The following KIF11 variants were observed in gnomAD, a reference collection of about 807,000 sequenced individuals.
KIF11 encodes the protein kinesin-like protein KIF11.
In KIF11, 9 loss-of-function variants were observed where a neutral mutation model predicts 121.0. That is an observed-to-expected ratio of 0.07 (90% CI 0.04 to 0.13). The LOEUF is 0.13. KIF11 is among the 10% of genes least tolerant of loss of function. The pLI is 1.00. For synonymous variants in KIF11, 408 were observed against 421.0 expected, an observed-to-expected ratio of 0.97 and a Z score of 0.38; for missense variants, 846 against 1,217.5, an observed-to-expected ratio of 0.69 and a Z score of 4.54.
intron 21 of KIF11, among the ~76,000 whole-genome samples, chr10:92,651,502 A>AT (rs1343216900): frequency 0.013 from 280 of 21,528 alleles, 9 homozygotes; most frequent in East Asian, 0.02. Context: ...TGCCTGGCTA[A>AT]TTTTGTTTTT....
At position 92,646,298 on chromosome 10, in the gene KIF11, A is replaced by C. The variant is rs2135923893; in HGVS notation, c.2547+656A>C. Among the ~76,000 whole-genome samples the C allele has an allele frequency of 1.3e-5, 2 of 152,118 alleles. 1 individual carries two copies. Among genetic ancestry groups the C allele is most frequent in the Middle Eastern group, 6.8e-3 (2 of 294 alleles). ...TCCAAGTACATTCAAACCTATTATT[A>C]TTTTAAGTATTTAGGTTATTGTTCT... On this transcript the variant is annotated intron_variant, in intron 18 of 21. Coordinates refer to ENST00000260731, the MANE Select transcript of KIF11 (RefSeq NM_004523.4).
intron 1 of KIF11, among the ~76,000 whole-genome samples, chr10:92,595,159 A>C (rs1844280969): frequency 6.6e-6 from 1 of 152,204 alleles, no homozygotes; most frequent in Non-Finnish European, 1.5e-5. Context: ...TCCCGGATTC[A>C]AGCAATTTTC....
chr10:92,602,360 TATAGAATTCACCTA>T (rs1203848024), intron 1 of KIF11, among the ~76,000 whole-genome samples: 1 of 152,198 alleles, frequency 6.6e-6, no homozygotes, highest in African/African-American at 2.4e-5. Flanking sequence ...TGAAATGTTT[TATAGAATTCACCTA>T]TGAAACTATC....
intron 1 of KIF11, among the ~76,000 whole-genome samples, chr10:92,597,935 G>C (rs1423873766): frequency 6.6e-6 from 1 of 151,662 alleles, no homozygotes; most frequent in East Asian, 1.9e-4. Context: ...ACAGGCGTGA[G>C]CCCGTGCCTG....
In KIF11 at chr10:92,637,537, C is replaced by T; in HGVS notation, c.2152C>T (p.His718Tyr). Reference protein sequence around the residue: ...TEDLKTIKQTHSQELCKLMNL... With the variant: ...TEDLKTIKQTYSQELCKLMNL... Reference sequence around the variant, plus strand: ...AGACCTGAAGACAATAAAGCAGACCCATTCCCAGGTATGTTGTTTAGCGGA... The same window carrying T: ...AGACCTGAAGACAATAAAGCAGACCTATTCCCAGGTATGTTGTTTAGCGGA... Residue 718 changes from histidine (H) to tyrosine (Y), a missense_variant, in exon 16 of 22, where the codon CAT (histidine) becomes TAT (tyrosine). Physicochemically the swap from His to Tyr is moderately conservative, Grantham distance 83. Transcript: ENST00000260731. 6.3e-7 allele frequency: 1 copy of T among 1,599,968 alleles called. No homozygotes were observed. Among genetic ancestry groups the T allele is most frequent in the Middle Eastern group, 1.7e-4 (1 of 6,024 alleles).
At chr10:92,619,282 G>A (rs890116121) in intron 9 of KIF11, among the ~76,000 whole-genome samples, 2 of 152,190 alleles carry the variant, frequency 1.3e-5, no homozygotes, top group Non-Finnish European at 2.9e-5. Context: ...CTCCCAAAGT[G>A]CTGGGATTAC....
At chr10:92,635,045 A>G (rs1481345873) in intron 14 of KIF11, among the ~76,000 whole-genome samples, 1 of 152,166 alleles carries the variant, frequency 6.6e-6, no homozygotes, top group Non-Finnish European at 1.5e-5. Context: ...TGATTTATAT[A>G]TAGTCTTTAT....
chr10:92,635,707 G>A (rs892275665), intron 14 of KIF11, among the ~76,000 whole-genome samples: 6 of 152,208 alleles, frequency 3.9e-5, no homozygotes, highest in East Asian at 1.9e-4. Flanking sequence ...ACTGATAGAC[G>A]TGCTCAAGGT....
At position 92,639,921 on chromosome 10, in the gene KIF11, C is replaced by A. The variant is rs1844847084; in HGVS notation, c.2267+21C>A. The A allele has an allele frequency of 3.1e-6, 4 of 1,296,762 alleles. No individual in the cohort carries two copies. In the South Asian group the frequency reaches 3.8e-5, roughly 12 times the overall value. 80.3% of individuals were successfully genotyped at this position (1,296,762 alleles called of 1,614,324 possible). On this transcript the variant is annotated intron_variant, in intron 17 of 21. Coordinates refer to ENST00000260731, the MANE Select transcript of KIF11 (RefSeq NM_004523.4). ...CAGCAGTAAGCTATTTTTAAATTCT[C>A]TTAAACTTTTCTGTAAGTCTGAAAT...
chr10:92,619,760 T>A (rs1844597949), intron 9 of KIF11, among the ~76,000 whole-genome samples: 1 of 151,748 alleles, frequency 6.6e-6, no homozygotes, highest in Admixed American at 6.6e-5. Flanking sequence ...CTTTTTAATG[T>A]GCTTATTTGA....
chr10:92,644,761 T>C (rs1216679580), intron 17 of KIF11, among the ~76,000 whole-genome samples: 2 of 152,190 alleles, frequency 1.3e-5, no homozygotes, highest in East Asian at 3.8e-4. Flanking sequence ...GTAAGATAAC[T>C]TGGAATGCTA....
chr10:92,647,690 A>G (rs1353687691), intron 18 of KIF11, among the ~76,000 whole-genome samples: 2 of 152,228 alleles, frequency 1.3e-5, no homozygotes, highest in Admixed American at 1.3e-4. Context: ...TCCTGGGTTT[A>G]TGGAGGAGTT....
In KIF11 at chr10:92,637,408, C is replaced by G; in HGVS notation, c.2023C>G (p.Leu675Val). Residue 675 changes from leucine (L) to valine (V), a missense_variant, in exon 16 of 22, where the codon CTA becomes GTA. This residue lies in a region of KIF11 where 492 missense variants were observed against 603.4 expected (regional missense o/e 0.82). Coordinates refer to ENST00000260731, the MANE Select transcript of KIF11 (RefSeq NM_004523.4). ...AAAGATAGAAGATCAAAAAAAGGAA[C>G]TAGATGGCTTTCTCAGTATACTGTG... is the stretch of plus-strand genomic sequence containing the variant. The part of the protein sequence containing the change: ...ADKIEDQKKE[L>V]DGFLSILCNN... 1 of 1,579,878 alleles carries G rather than the reference C, an allele frequency of 6.3e-7. No individual in the cohort carries two copies. The highest frequency in any genetic ancestry group is 1.4e-5 in the African/African-American group (1 of 72,444).
intron 14 of KIF11, among the ~76,000 whole-genome samples, chr10:92,634,016 C>T (rs556370657): frequency 1.6e-4 from 24 of 152,204 alleles, no homozygotes; most frequent in Admixed American, 9.8e-4. Context: ...GAGATGGAGT[C>T]TCGCTCTGTC....
chr10:92,606,651 T>G lies in KIF11; in HGVS notation c.243T>G (p.Val81=). ...VFGASTKQID[V]YRSVVCPILD... ...GAGCATCTACTAAACAGATTGATGT[T>G]TACCGAAGTGTTGTTTGTCCAATTC... Residue 81 remains valine, a synonymous_variant, in exon 3 of 22, where the codon GTT becomes GTG. Transcript: ENST00000260731. 1 of 1,598,298 alleles carries G rather than the reference T, an allele frequency of 6.3e-7. No homozygotes were observed. The highest frequency in any genetic ancestry group is 8.6e-7 in the Non-Finnish European group (1 of 1,165,854).
Position 92,606,731 on chromosome 10 carries a change from G to A in KIF11, c.308+15G>A, listed in dbSNP as rs1844434755. 3 of 1,192,314 alleles carry A rather than the reference G, an allele frequency of 2.5e-6. No individual in the cohort carries two copies. Among genetic ancestry groups the A allele is most frequent in the South Asian group, 1.3e-5 (1 of 78,076 alleles). 73.9% of individuals were successfully genotyped at this position (1,192,314 alleles called of 1,614,324 possible). A position where few individuals can be genotyped will look rare whatever the true frequency, so the allele number is the denominator to read the frequency against. ...ACTATCTTTGCGTAAGTAAAAGGGT[G>A]TTTTTTCTGATTTATGAAAAAGCTT... is the stretch of plus-strand genomic sequence containing the variant. On this transcript the variant is annotated intron_variant, in intron 3 of 21. Transcript: ENST00000260731.
intron 20 of KIF11, 102 bp downstream of exon 20, chr10:92,650,088 C>A: frequency 1.2e-6 from 1 of 846,820 alleles, no homozygotes; most frequent in South Asian, 1.8e-5. Context: ...CAATCTTACC[C>A]CGCCTCTCAT....
Position 92,632,588 on chromosome 10 carries a change from A to G in KIF11, c.1597A>G (p.Ile533Val). The change falls in exon 13 of 22, where the codon ATT (isoleucine) becomes GTT (valine). Residue 533 changes from isoleucine to valine, a missense_variant. This residue lies in a region of KIF11 where 492 missense variants were observed against 603.4 expected (regional missense o/e 0.82). Coordinates refer to ENST00000260731, the MANE Select transcript of KIF11 (RefSeq NM_004523.4). ...CCAACACAATGCAGAAGCTCAGGATATTTTTGGCAAAAACCTGAATAGTCT... is the reference window on the plus strand; with the variant it reads ...CCAACACAATGCAGAAGCTCAGGATGTTTTTGGCAAAAACCTGAATAGTCT... ...VDQHNAEAQD[I>V]FGKNLNSLFN... The G allele has an allele frequency of 6.2e-7, 1 of 1,613,568 alleles. No individual in the cohort carries two copies. The highest frequency in any genetic ancestry group is 2.2e-5 in the East Asian group (1 of 44,858).
chr10:92,605,098 T>G (rs901403210), intron 1 of KIF11, among the ~76,000 whole-genome samples: 2 of 151,962 alleles, frequency 1.3e-5, no homozygotes, highest in African/African-American at 2.4e-5. Flanking sequence ...TTTAATGTGG[T>G]CTTGGTTGGA....
Sources: gnomAD v4.1 joint callset for allele counts (sites outside exome capture counted in the v4.1 genomes callset) on GRCh38, gnomAD v4.1.1 for gene constraint, gnomAD v4.1.1 regional missense constraint, MANE v1.5 for transcripts, NCBI Gene and HGNC (gene_info 2026-07-23, HGNC 2026-07-21) for gene names.